ARID2: variants seen among roughly 807,000 people sequenced by gnomAD.
ARID2 encodes AT-rich interactive domain-containing protein 2.
Under a neutral mutation model 184.6 loss-of-function variants are expected in ARID2, and 32 were observed. The ratio of observed to expected loss-of-function variants is 0.17; its 90% CI spans 0.13 to 0.23. The LOEUF (loss-of-function observed/expected upper bound fraction) is 0.23, where lower values mean the gene tolerates loss of function less well. Ranked by LOEUF, ARID2 falls within the 10% of genes least tolerant of loss-of-function variation. The probability of loss-of-function intolerance (pLI) is 1.00; values close to 1 mark genes in which losing one functional copy is unlikely to be tolerated. For synonymous variants in ARID2, 836 were observed against 772.6 expected, an observed-to-expected ratio of 1.08 and a Z score of -1.36; for missense variants, 1,696 against 2,197.6, an observed-to-expected ratio of 0.77 and a Z score of 4.56.
intron 16 of ARID2, among the ~76,000 whole-genome samples, chr12:45,868,745 C>G (rs1327499788): frequency 6.6e-6 from 1 of 152,204 alleles, no homozygotes; most frequent in Non-Finnish European, 1.5e-5. Context: ...TGAATTGCCA[C>G]CTTTGTCATA....
intron 3 of ARID2, among the ~76,000 whole-genome samples, chr12:45,751,689 C>T (rs891943689): frequency 1.3e-5 from 2 of 152,214 alleles, no homozygotes; most frequent in African/African-American, 4.8e-5. Context: ...CTACTACACA[C>T]CTAAGCTATA....
At chr12:45,861,580 C>CTT (rs11303020) in intron 16 of ARID2, among the ~76,000 whole-genome samples, 44 of 96,970 alleles carry the variant, frequency 4.5e-4, no homozygotes, top group South Asian at 3.1e-3. Flanking sequence ...AGGCATTTGT[C>CTT]TTTTTTTTTT....
intron 20 of ARID2, among the ~76,000 whole-genome samples, chr12:45,898,462 G>A (rs78567977): frequency 0.093 from 14,173 of 152,170 alleles, 2,249 homozygotes; most frequent in African/African-American, 0.32. Context: ...TACCACAATG[G>A]AAAAAAACTA....
At chr12:45,835,500 A>C (rs1477954076) in intron 6 of ARID2, among the ~76,000 whole-genome samples, 1 of 109,460 alleles carries the variant, frequency 9.1e-6, no homozygotes, top group Admixed American at 8.5e-5. Context: ...CTTTGATTCC[A>C]AAAAAAAAAC....
intron 15 of ARID2, among the ~76,000 whole-genome samples, 193 bp from the exon 16 acceptor site, chr12:45,860,603 TAAATA>T (rs1329339852): frequency 1.1e-4 from 16 of 151,898 alleles, no homozygotes; most frequent in Non-Finnish European, 2.1e-4. Flanking sequence ...GGTTTTATAT[TAAATA>T]AAATAAACTT....
intron 15 of ARID2, among the ~76,000 whole-genome samples, chr12:45,860,455 A>G (rs1401648682): frequency 2.0e-5 from 3 of 152,170 alleles, no homozygotes; most frequent in Admixed American, 1.3e-4. Context: ...AAGAATTCAC[A>G]TAAGTAAATC....
At chr12:45,771,550 G>T (rs1262117806) in intron 3 of ARID2, among the ~76,000 whole-genome samples, 1 of 151,710 alleles carries the variant, frequency 6.6e-6, no homozygotes, top group African/African-American at 2.4e-5. Flanking sequence ...TTGCATGCCT[G>T]TAGTCCTAGC....
At chr12:45,818,146 C>T (rs888885791) in intron 5 of ARID2, among the ~76,000 whole-genome samples, 5 of 152,094 alleles carry the variant, frequency 3.3e-5, no homozygotes, top group East Asian at 3.9e-4. Context: ...TGAGTTGAGA[C>T]GATTGCTTGC....
In ARID2 at chr12:45,852,256, A is replaced by G; in HGVS notation, c.4133A>G (p.Asn1378Ser). Residue 1378 changes from asparagine to serine, a missense_variant, in exon 15 of 21, where the codon AAT becomes AGT. Physicochemically the swap from Asn to Ser is conservative, Grantham distance 46. Coordinates refer to ENST00000334344, the MANE Select transcript of ARID2 (RefSeq NM_152641.4). ...DGSHLSKNIP[N>S]HKTSNHVGNG... The stretch of plus-strand genomic sequence containing the variant: ...TCTCATTTAAGCAAAAACATTCCAA[A>G]TCATAAAACTTCCAATCATGTAGGA... 3 of 1,614,132 alleles carry G rather than the reference A, an allele frequency of 1.9e-6. No individual in the cohort carries two copies. Among genetic ancestry groups the G allele is most frequent in the Non-Finnish European group, 2.5e-6 (3 of 1,179,994 alleles).
chr12:45,863,233 A>G (rs1943777960), intron 16 of ARID2, among the ~76,000 whole-genome samples: 1 of 152,234 alleles, frequency 6.6e-6, no homozygotes, highest in South Asian at 2.1e-4. Flanking sequence ...GTTAAGAGCA[A>G]GCACAGGAGT....
In ARID2 at chr12:45,785,922, A is replaced by AC. The variant is rs575531000; in HGVS notation, c.285-25494dup. Among the ~76,000 whole-genome samples, 9 of 152,254 alleles carry AC rather than the reference A, an allele frequency of 5.9e-5. No individual in the cohort carries two copies. The East Asian group carries it at 1.7e-3, about 29-fold the overall frequency. On this transcript the variant is annotated intron_variant, in intron 3 of 20. Coordinates refer to ENST00000334344, the MANE Select transcript of ARID2 (RefSeq NM_152641.4). ...GTGGTCCCCAACCTCTGGGCCATGG[A>AC]CCAGTAGTGGTCTGTGGGAAAATTG...
chr12:45,730,168 C>T (rs1200979023), intron 2 of ARID2, 31 bp downstream of exon 2: 1 of 1,606,112 alleles, frequency 6.2e-7, no homozygotes, highest in Admixed American at 1.7e-5. Context: ...GTATTTCCCT[C>T]TCGCTGGCCT....
chr12:45,791,458 T>A (rs534036667), intron 3 of ARID2, among the ~76,000 whole-genome samples: 2 of 152,308 alleles, frequency 1.3e-5, no homozygotes, highest in Non-Finnish European at 2.9e-5. Flanking sequence ...GTATTTGATT[T>A]GGTAATATTT....
chr12:45,894,236 T>C (rs1251286264), intron 20 of ARID2, among the ~76,000 whole-genome samples: 2 of 152,242 alleles, frequency 1.3e-5, no homozygotes, highest in African/African-American at 4.8e-5. Flanking sequence ...AACTCATTAA[T>C]TCGTGAGAGA....
At chr12:45,830,145 T>G (rs1438764486) in intron 6 of ARID2, among the ~76,000 whole-genome samples, 1 of 151,508 alleles carries the variant, frequency 6.6e-6, no homozygotes, top group East Asian at 1.9e-4. Context: ...TGTTCTAATA[T>G]CTAAAGCTGT....
chr12:45,817,613 T>G, intron 4 of ARID2, 57 bp from the exon 5 acceptor site: 4 of 1,105,622 alleles, frequency 3.6e-6, no homozygotes, highest in Non-Finnish European at 5.1e-6. Context: ...TCAAGGGATA[T>G]TCACCATAAA....
chr12:45,730,007 C>G (rs1565573804), intron 1 of ARID2, 37 bp from the exon 2 acceptor site: 1 of 1,609,614 alleles, frequency 6.2e-7, no homozygotes, highest in Non-Finnish European at 8.5e-7. Flanking sequence ...GGCACGGGGT[C>G]CCGGCTGACA....
At chr12:45,779,191 T>A (rs1942042274) in intron 3 of ARID2, among the ~76,000 whole-genome samples, 1 of 152,074 alleles carries the variant, frequency 6.6e-6, no homozygotes, top group African/African-American at 2.4e-5. Flanking sequence ...TCTGATTATT[T>A]CCTTTTATAT....
chr12:45,799,269 T>C (rs1942450480), intron 3 of ARID2, among the ~76,000 whole-genome samples: 1 of 152,198 alleles, frequency 6.6e-6, no homozygotes, highest in African/African-American at 2.4e-5. Context: ...TAGTAGGCTT[T>C]AAATCACTTT....
Sources: gnomAD v4.1 joint callset for allele counts (sites outside exome capture counted in the v4.1 genomes callset) on GRCh38, gnomAD v4.1.1 for gene constraint, MANE v1.5 for transcripts, NCBI Gene and HGNC (gene_info 2026-07-23, HGNC 2026-07-21) for gene names.